Variants in SRGAP2 observed in about 807,000 individuals in gnomAD.
SRGAP2 encodes SLIT-ROBO Rho GTPase activating protein 2, also known as SLIT-ROBO Rho GTPase-activating protein 2.
A neutral mutation model predicts 57.2 loss-of-function variants in SRGAP2; 15 were observed. The observed-to-expected ratio is 0.26, with a 90% CI of 0.18 to 0.40. The LOEUF (loss-of-function observed/expected upper bound fraction) is 0.40, where lower values mean the gene tolerates loss of function less well. Ranked by LOEUF, SRGAP2 falls within the 10% of genes least tolerant of loss-of-function variation. The pLI is 1.00. For missense variants in SRGAP2, 520 were observed against 669.6 expected (o/e 0.78, Z 2.47); for synonymous variants, 249 against 248.0 (o/e 1.00, Z -0.04).
At chr1:206,440,783 G>A (rs879979501) in intron 17 of SRGAP2, among the ~76,000 whole-genome samples, 4 of 152,240 alleles carry the variant, frequency 2.6e-5, no homozygotes, top group African/African-American at 9.6e-5. Context: ...TTGACCTCGT[G>A]ATGTGCCCAC....
chr1:206,458,274 C>A, intron 21 of SRGAP2: 1 of 491,044 alleles, frequency 2.0e-6, no homozygotes, highest in East Asian at 5.8e-5. Flanking sequence ...CTAGCTGGGG[C>A]CTTAGGTTTC....
At chr1:206,451,836 G>C (rs1327060080) in intron 19 of SRGAP2, among the ~76,000 whole-genome samples, 1 of 152,232 alleles carries the variant, frequency 6.6e-6, no homozygotes, top group African/African-American at 2.4e-5. Context: ...AGAACTAACT[G>C]AGGTGGGTAT....
At chr1:206,364,299 CTT>C (rs1194605542) in intron 4 of SRGAP2, among the ~76,000 whole-genome samples, 2 of 118,572 alleles carry the variant, frequency 1.7e-5, no homozygotes, top group Non-Finnish European at 1.7e-5. Flanking sequence ...GGTTGCTCTT[CTT>C]TTTTTTTTTT....
chr1:206,307,864 T>G (rs1672348889), intron 3 of SRGAP2, among the ~76,000 whole-genome samples: 1 of 151,366 alleles, frequency 6.6e-6, no homozygotes, highest in African/African-American at 2.4e-5. Context: ...GCTGAGGGAG[T>G]GGGCTCCAGC....
Position 206,458,933 on chromosome 1 carries a change from G to A in SRGAP2, c.2818G>A (p.Glu940Lys). 1.3e-6 allele frequency: 1 copy of A among 772,720 alleles called. No homozygotes were observed. The highest frequency in any genetic ancestry group is 2.4e-5 in the East Asian group (1 of 40,980). The allele number at this position is 772,720 out of a possible 1,614,324, so 47.9% of individuals were successfully genotyped here. The change falls in exon 22 of 23, where the codon GAG becomes AAG. Residue 940 changes from glutamate to lysine, a missense_variant. By Grantham distance (56) the Glu-to-Lys change is moderately conservative. This residue lies in a region of SRGAP2 where 478 missense variants were observed against 373.6 expected (regional missense o/e 1.28). Transcript: ENST00000573034. The part of the protein sequence containing the change: ...SFNNHRPMDP[E>K]VIAQDIEATM... ...CAATAACCATCGGCCCATGGACCCTGAGGTCATTGCTCAGGTAACTGTGGG... is the reference window on the plus strand; with the variant it reads ...CAATAACCATCGGCCCATGGACCCTAAGGTCATTGCTCAGGTAACTGTGGG...
chr1:206,436,072 C>A (rs921824345), intron 14 of SRGAP2, among the ~76,000 whole-genome samples: 1 of 149,442 alleles, frequency 6.7e-6, no homozygotes, highest in Admixed American at 6.7e-5. Context: ...AACTTTCTTA[C>A]AATATTACGA....
At chr1:206,401,195 CT>C (rs1384296321) in intron 7 of SRGAP2, among the ~76,000 whole-genome samples, 1 of 152,220 alleles carries the variant, frequency 6.6e-6, no homozygotes, top group African/African-American at 2.4e-5. Context: ...TATGAATCTT[CT>C]TCCTCCTAAC....
intron 16 of SRGAP2, among the ~76,000 whole-genome samples, chr1:206,438,391 A>T (rs1553370806): frequency 6.6e-6 from 1 of 150,464 alleles, no homozygotes; most frequent in East Asian, 1.9e-4. Context: ...ATTTTCAATT[A>T]TGTATTTGAA....
intron 14 of SRGAP2, among the ~76,000 whole-genome samples, chr1:206,432,556 A>G (rs1553368669): frequency 6.6e-6 from 1 of 152,216 alleles, no homozygotes; most frequent in Non-Finnish European, 1.5e-5. Flanking sequence ...GGTTGAAGAA[A>G]CTATGGGACA....
chr1:206,461,677 A>G lies in SRGAP2; in HGVS notation c.*257A>G, dbSNP rs1042026291. On this transcript the variant is annotated 3_prime_UTR_variant, in exon 23 of 23. Coordinates refer to ENST00000573034, the MANE Select transcript of SRGAP2 (RefSeq NM_015326.5). ...CGTACCGTTCTTAGGTTAGCCAGAGACAGGTTTTCATTATCAGGTCACTGT... is the reference window on the plus strand; with the variant it reads ...CGTACCGTTCTTAGGTTAGCCAGAGGCAGGTTTTCATTATCAGGTCACTGT... The G allele has an allele frequency of 4.1e-5, 17 of 411,088 alleles. No homozygotes were observed. Among genetic ancestry groups the G allele is most frequent in the Non-Finnish European group, 6.5e-5 (15 of 230,254 alleles). 25.5% of individuals were successfully genotyped at this position (411,088 alleles called of 1,614,324 possible). A position where few individuals can be genotyped will look rare whatever the true frequency, so the allele number is the denominator to read the frequency against.
intron 3 of SRGAP2, among the ~76,000 whole-genome samples, chr1:206,335,165 T>C (rs1385853681): frequency 3.3e-5 from 5 of 150,178 alleles, no homozygotes; most frequent in African/African-American, 1.2e-4. Flanking sequence ...ACAGCCTATT[T>C]TGGGGGGCTT....
chr1:206,281,236 C>G (rs1308605834), intron 2 of SRGAP2, among the ~76,000 whole-genome samples: 1 of 142,880 alleles, frequency 7.0e-6, no homozygotes, highest in Non-Finnish European at 1.5e-5. Flanking sequence ...ATGCTTTCAG[C>G]CTTTTATTCT....
intron 16 of SRGAP2, 63 bp from the exon 17 acceptor site, chr1:206,439,913 T>G: frequency 2.6e-6 from 2 of 755,454 alleles, no homozygotes; most frequent in Non-Finnish European, 4.9e-6. Flanking sequence ...TAGGGACTTC[T>G]GATCATTACT....
intron 13 of SRGAP2, among the ~76,000 whole-genome samples, chr1:206,426,098 T>C (rs11810747): frequency 0.1 from 15,573 of 152,036 alleles, 1,776 homozygotes; most frequent in African/African-American, 0.28. Context: ...CCACCTCACC[T>C]GGCCCAACCT....
chr1:206,254,179 G>GTTTTTTTTTTTTTT (rs373417477), intron 2 of SRGAP2, among the ~76,000 whole-genome samples: 1 of 47,128 alleles, frequency 2.1e-5, no homozygotes, highest in Non-Finnish European at 3.7e-5. Flanking sequence ...TGCTTTTTCT[G>GTTTTTTTTTTTTTT]TTTTTTTTTT....
intron 12 of SRGAP2, among the ~76,000 whole-genome samples, chr1:206,419,708 G>A (rs1553363626): frequency 6.6e-6 from 1 of 152,040 alleles, no homozygotes; most frequent in Admixed American, 6.6e-5. Context: ...ACATTCAACT[G>A]TAGAGGATTC....
chr1:206,375,397 T>C (rs1655105186), intron 4 of SRGAP2, among the ~76,000 whole-genome samples: 1 of 151,828 alleles, frequency 6.6e-6, no homozygotes, highest in Non-Finnish European at 1.5e-5. Context: ...CCTCAAGAAA[T>C]GCTTTGGCAT....
chr1:206,458,647 G>T lies in SRGAP2; in HGVS notation c.2532G>T (p.Gly844=), dbSNP rs1553379266. 2.6e-6 allele frequency: 2 copies of T among 766,710 alleles called. No homozygotes were observed. Among genetic ancestry groups the T allele is most frequent in the Non-Finnish European group, 4.9e-6 (2 of 409,512 alleles). 47.5% of individuals were successfully genotyped at this position (766,710 alleles called of 1,614,324 possible). Reference sequence around the variant, plus strand: ...GGCAAAGGAAGCGTCCAGAATCTGGGAGCATCCGGAAAACTTTTCGGAGTG... The same window carrying T: ...GGCAAAGGAAGCGTCCAGAATCTGGTAGCATCCGGAAAACTTTTCGGAGTG... ...INKQRKRPES[G]SIRKTFRSDS... is the part of the protein sequence containing the mutation. Residue 844 remains glycine (G), a synonymous_variant, in exon 22 of 23, where the codon GGG becomes GGT. Coordinates refer to ENST00000573034, the MANE Select transcript of SRGAP2 (RefSeq NM_015326.5).
intron 4 of SRGAP2, among the ~76,000 whole-genome samples, chr1:206,372,898 C>T (rs1347781060): frequency 1.5e-4 from 4 of 26,738 alleles, no homozygotes; most frequent in African/African-American, 3.1e-4. Flanking sequence ...CTTTCTCTCT[C>T]CTTTCTTTCT....
Sources: gnomAD v4.1 joint callset for allele counts (sites outside exome capture counted in the v4.1 genomes callset) on GRCh38, gnomAD v4.1.1 for gene constraint, gnomAD v4.1.1 regional missense constraint, MANE v1.5 for transcripts, NCBI Gene and HGNC (gene_info 2026-07-23, HGNC 2026-07-21) for gene names.